TLN2: variants seen among roughly 807,000 people sequenced by gnomAD.
The protein encoded by TLN2 is talin 2.
A neutral mutation model predicts 294.7 loss-of-function variants in TLN2; 118 were observed. The observed-to-expected ratio is 0.40, with a 90% CI of 0.34 to 0.47. The LOEUF is 0.47. Among genes scored for constraint, TLN2 ranks in the 20% least tolerant of loss-of-function variants. TLN2 has a pLI of 0.84. For missense variants in TLN2, 3,083 were observed against 3,282.2 expected, an observed-to-expected ratio of 0.94 and a Z score of 1.48; for synonymous variants, 1,431 against 1,304.5, an observed-to-expected ratio of 1.10 and a Z score of -2.09.
intron 1 of TLN2, among the ~76,000 whole-genome samples, chr15:62,462,684 C>G (rs2036871777): frequency 6.6e-6 from 1 of 152,198 alleles, no homozygotes. Context: ...AGGAAATGGC[C>G]TGGCGCTGTG....
intron 37 of TLN2, among the ~76,000 whole-genome samples, chr15:62,758,851 C>A (rs770073138): frequency 5.3e-5 from 8 of 152,214 alleles, no homozygotes; most frequent in Non-Finnish European, 8.8e-5. Context: ...GTGACCTTGT[C>A]AAGTCATGTC....
intron 19 of TLN2, among the ~76,000 whole-genome samples, chr15:62,703,650 C>CACACACACACACAG (rs34685862): frequency 2.0e-5 from 3 of 149,918 alleles, no homozygotes; most frequent in South Asian, 2.2e-4. Flanking sequence ...CACACACACA[C>CACACACACACACAG]AGAGAAAGAG....
chr15:62,676,854 G>C (rs1461497885), intron 11 of TLN2, among the ~76,000 whole-genome samples: 1 of 152,160 alleles, frequency 6.6e-6, no homozygotes, highest in Non-Finnish European at 1.5e-5. Flanking sequence ...AGCTCAGGCA[G>C]TCCGCCCACC....
In TLN2 at chr15:62,762,465, A is replaced by T; in HGVS notation, c.4961+12A>T. ...ATCACTTCTATCAGGTCAGTTTCCCATCCGGAGGTTGCTGCCAGCCTGCAT... is the reference window on the plus strand; with the variant it reads ...ATCACTTCTATCAGGTCAGTTTCCCTTCCGGAGGTTGCTGCCAGCCTGCAT... On this transcript the variant is annotated intron_variant, in intron 39 of 58. Transcript: ENST00000636159. The T allele has an allele frequency of 6.2e-7, 1 of 1,611,260 alleles. No individual in the cohort carries two copies. The highest frequency in any genetic ancestry group is 8.5e-7 in the Non-Finnish European group (1 of 1,177,926).
rs557416967 is a variant in TLN2, at chr15:62,656,364, T to G, written c.660+278T>G. 7.2e-5 allele frequency among the ~76,000 whole-genome samples: 11 copies of G among 152,284 alleles called. No individual in the cohort carries two copies. In the South Asian group the frequency reaches 1.5e-3, roughly 20 times the overall value. The stretch of plus-strand genomic sequence containing the variant: ...CTCTCTGCCGGGCTTTGAGGGACAG[T>G]TGTATTTCACTTAACTGGCTCACCA... On this transcript the variant is annotated intron_variant, in intron 8 of 58. Coordinates refer to ENST00000636159, the MANE Select transcript of TLN2 (RefSeq NM_015059.3).
At chr15:62,609,915 T>C (rs2047774201) in intron 2 of TLN2, among the ~76,000 whole-genome samples, 1 of 152,268 alleles carries the variant, frequency 6.6e-6, no homozygotes, top group South Asian at 2.1e-4. Context: ...TGTCATTATT[T>C]TGACATTCAA....
chr15:62,396,330 G>C (rs1432771960), intron 1 of TLN2, among the ~76,000 whole-genome samples: 1 of 152,072 alleles, frequency 6.6e-6, no homozygotes, highest in Non-Finnish European at 1.5e-5. Flanking sequence ...AAAAATATTT[G>C]GTTAATGGAT....
At chr15:62,475,133 T>A (rs2037717101) in intron 1 of TLN2, among the ~76,000 whole-genome samples, 2 of 152,164 alleles carry the variant, frequency 1.3e-5, no homozygotes, top group South Asian at 4.2e-4. Context: ...TGAAGCTTAC[T>A]CCCTAGAAAC....
chr15:62,573,375 A>G (rs1003141390), intron 1 of TLN2, among the ~76,000 whole-genome samples: 1 of 151,696 alleles, frequency 6.6e-6, no homozygotes, highest in African/African-American at 2.4e-5. Flanking sequence ...CCTTGGATGC[A>G]TCATTAGAGA....
rs556085458 is a variant in TLN2 at position 62,458,072 on chromosome 15, G to T, written c.-238+67387G>T. Among the ~76,000 whole-genome samples the T allele has an allele frequency of 2.6e-5, 4 of 152,308 alleles. No individual in the cohort carries two copies. In the South Asian group the frequency reaches 8.3e-4, roughly 32 times the overall value. ...TCATCCACAGTTGTTGGGCCTTGGC[G>T]TCCCTTTCCTGGGATTCTGAAGTTT... On this transcript the variant is annotated intron_variant, in intron 1 of 58. Transcript: ENST00000636159.
chr15:62,578,377 G>A (rs1177218884), intron 1 of TLN2, among the ~76,000 whole-genome samples: 1 of 152,028 alleles, frequency 6.6e-6, no homozygotes, highest in Non-Finnish European at 1.5e-5. Context: ...GACCAGCCTG[G>A]CCAACATGGT....
At chr15:62,426,871 C>G (rs537554283) in intron 1 of TLN2, among the ~76,000 whole-genome samples, 1 of 152,320 alleles carries the variant, frequency 6.6e-6, no homozygotes, top group African/African-American at 2.4e-5. Context: ...GTCAGAATCA[C>G]TTTCTGTGCT....
At chr15:62,811,729 T>A (rs2066694075) in intron 52 of TLN2, among the ~76,000 whole-genome samples, 2 of 152,176 alleles carry the variant, frequency 1.3e-5, no homozygotes, top group South Asian at 4.2e-4. Flanking sequence ...CTTATTAATA[T>A]CTGCCGAGTG....
chr15:62,741,748 C>CGCGCGTGCGTGTGTGTGTGTGT, intron 32 of TLN2, among the ~76,000 whole-genome samples: 10 of 131,072 alleles, frequency 7.6e-5, no homozygotes, highest in Admixed American at 2.3e-4. Flanking sequence ...AAAATTTGCG[C>CGCGCGTGCGTGTGTGTGTGTGT]GTGTGTGTGT....
At chr15:62,730,400 T>C (rs1266049634) in intron 28 of TLN2, among the ~76,000 whole-genome samples, 1 of 152,180 alleles carries the variant, frequency 6.6e-6, no homozygotes, top group Non-Finnish European at 1.5e-5. Context: ...TTGTTCCAGA[T>C]AGTCCTTATT....
At chr15:62,582,888 C>G (rs142892207) in intron 1 of TLN2, among the ~76,000 whole-genome samples, 1 of 152,236 alleles carries the variant, frequency 6.6e-6, no homozygotes, top group African/African-American at 2.4e-5. Flanking sequence ...AGTAGGAAAA[C>G]CCTGGCCATT....
rs757908078 is a variant in TLN2 at position 62,800,510 on chromosome 15, A to T, written c.6360+17A>T. 5.0e-6 allele frequency: 8 copies of T among 1,613,234 alleles called. No individual in the cohort carries two copies. Among genetic ancestry groups the T allele is most frequent in the Non-Finnish European group, 6.8e-6 (8 of 1,179,744 alleles). ...GCTGCCAAGGTAGAGTGGGGCTCCG[A>T]CTGGGGATGAGCACCTGAGTTCTCT... is the stretch of plus-strand genomic sequence containing the variant. On this transcript the variant is annotated intron_variant, in intron 49 of 58. Coordinates refer to ENST00000636159, the MANE Select transcript of TLN2 (RefSeq NM_015059.3).
Position 62,809,940 on chromosome 15 carries a change from C to A in TLN2, c.6679C>A (p.Pro2227Thr), listed in dbSNP as rs145263280. 1.3e-5 allele frequency: 21 copies of A among 1,614,098 alleles called. No individual in the cohort carries two copies. In the African/African-American group the frequency reaches 2.1e-4, roughly 16 times the overall value. ...CTCTCTCCAGCAAGCATCCTTCCAC[C>A]CCGATGTCAGTGACGAGGTGAGAAC... Reference protein sequence around the residue: ...LTACKQASFHPDVSDEVRTRA... With the variant: ...LTACKQASFHTDVSDEVRTRA... Residue 2227 changes from proline (P) to threonine (T), a missense_variant, in exon 52 of 59, where the codon CCC becomes ACC. Pro to Thr is a conservative substitution (Grantham distance 38). Coordinates refer to ENST00000636159, the MANE Select transcript of TLN2 (RefSeq NM_015059.3).
rs1343340303 is a variant in TLN2, at chr15:62,701,039, G to A, written c.1588-67G>A. On this transcript the variant is annotated intron_variant, in intron 16 of 58. Coordinates refer to ENST00000636159, the MANE Select transcript of TLN2 (RefSeq NM_015059.3). ...CAAAATGCTGGTGTGATTTTATGGC[G>A]GGGCTTCTCCGGTCTCCTGGGTAAT... is the stretch of plus-strand genomic sequence containing the variant. 5 of 1,335,786 alleles carry A rather than the reference G, an allele frequency of 3.7e-6. No homozygotes were observed. The Admixed American group carries it at 5.9e-5, about 16-fold the overall frequency. The allele number at this position is 1,335,786 out of a possible 1,614,324, so 82.7% of individuals were successfully genotyped here. A position where few individuals can be genotyped will look rare whatever the true frequency, so the allele number is the denominator to read the frequency against.
Sources: gnomAD v4.1 joint callset for allele counts (sites outside exome capture counted in the v4.1 genomes callset) on GRCh38, gnomAD v4.1.1 for gene constraint, MANE v1.5 for transcripts, NCBI Gene and HGNC (gene_info 2026-07-23, HGNC 2026-07-21) for gene names.